The following SPOCK1 variants were observed in gnomAD, a reference collection of about 807,000 sequenced individuals.
The protein encoded by SPOCK1 is SPARC (osteonectin), cwcv and kazal like domains proteoglycan 1, also known as testican-1.
SPOCK1 carries 23 observed loss-of-function variants against 55.3 expected under a neutral mutation model. That is an observed-to-expected ratio of 0.42 (90% CI 0.30 to 0.59). SPOCK1 has a LOEUF of 0.59. SPOCK1 is among the 20% of genes least tolerant of loss of function. The pLI, the probability that SPOCK1 is intolerant of heterozygous loss-of-function variation, is 0.22. For missense variants in SPOCK1, 499 were observed against 552.5 expected, an observed-to-expected ratio of 0.90 and a Z score of 0.97; for synonymous variants, 226 against 221.0, an observed-to-expected ratio of 1.02 and a Z score of -0.20.
intron 6 of SPOCK1, among the ~76,000 whole-genome samples, chr5:137,030,695 G>A (rs1367860741): frequency 1.3e-5 from 2 of 152,120 alleles, no homozygotes; most frequent in Admixed American, 6.5e-5. Flanking sequence ...AGCATGGATG[G>A]ATTAAAACAC....
At chr5:137,465,715 AT>A (rs1375907672) in intron 2 of SPOCK1, among the ~76,000 whole-genome samples, 1 of 152,244 alleles carries the variant, frequency 6.6e-6, no homozygotes, top group African/African-American at 2.4e-5. Flanking sequence ...GTAAGCAATT[AT>A]CATGCAACCC....
At chr5:137,367,152 C>T (rs1751088540) in intron 2 of SPOCK1, among the ~76,000 whole-genome samples, 1 of 152,240 alleles carries the variant, frequency 6.6e-6, no homozygotes, top group South Asian at 2.1e-4. Context: ...TATAGTTCTG[C>T]TTTGCCTCCA....
At chr5:137,324,229 G>A (rs985022643) in intron 2 of SPOCK1, among the ~76,000 whole-genome samples, 64 of 152,216 alleles carry the variant, frequency 4.2e-4, no homozygotes, top group Non-Finnish European at 1.2e-4. Flanking sequence ...TGGATCACTT[G>A]AGATCAGGAG....
intron 2 of SPOCK1, among the ~76,000 whole-genome samples, chr5:137,417,047 A>G (rs1752349552): frequency 1.3e-5 from 2 of 152,160 alleles, no homozygotes; most frequent in South Asian, 4.1e-4. Context: ...ATACATATAC[A>G]TATCCACATA....
At chr5:137,131,157 C>A (rs758908772) in intron 4 of SPOCK1, among the ~76,000 whole-genome samples, 2 of 152,152 alleles carry the variant, frequency 1.3e-5, no homozygotes, top group African/African-American at 4.8e-5. Flanking sequence ...TATAAAGTGT[C>A]TAAACTGAAA....
chr5:137,228,103 G>A (rs1755980307), intron 3 of SPOCK1, among the ~76,000 whole-genome samples: 2 of 152,242 alleles, frequency 1.3e-5, no homozygotes, highest in Non-Finnish European at 2.9e-5. Context: ...ACCAATGCCA[G>A]TTGATCTGAG....
At chr5:137,431,272 G>A (rs1462276387) in intron 2 of SPOCK1, among the ~76,000 whole-genome samples, 1 of 152,192 alleles carries the variant, frequency 6.6e-6, no homozygotes, top group African/African-American at 2.4e-5. Flanking sequence ...TGGAATGCAT[G>A]GTTCAGGAGA....
Position 136,992,639 on chromosome 5 carries a change from G to A in SPOCK1, c.590-39C>T, listed in dbSNP as rs762082386. ...AACAGAACAGACAATGGGGCTGGGGGCTTTCTGCCTTCTGTGTGCAGGGCT... is the reference window on the plus strand; with the variant it reads ...AACAGAACAGACAATGGGGCTGGGGACTTTCTGCCTTCTGTGTGCAGGGCT... On this transcript the variant is annotated intron_variant, in intron 6 of 10. Transcript: ENST00000394945. 17 of 1,533,192 alleles carry A rather than the reference G, an allele frequency of 1.1e-5. No individual in the cohort carries two copies. In the East Asian group the frequency reaches 2.7e-4, roughly 25 times the overall value. 95.0% of individuals were successfully genotyped at this position (1,533,192 alleles called of 1,614,324 possible). A position where few individuals can be genotyped will look rare whatever the true frequency, so the allele number is the denominator to read the frequency against.
At chr5:137,241,909 C>T (rs1306519334) in intron 3 of SPOCK1, among the ~76,000 whole-genome samples, 1 of 152,190 alleles carries the variant, frequency 6.6e-6, no homozygotes, top group East Asian at 1.9e-4. Context: ...CCCAGCAGCT[C>T]CTCTTCTGGG....
At chr5:137,042,389 C>T (rs936775274) in intron 6 of SPOCK1, among the ~76,000 whole-genome samples, 4 of 152,110 alleles carry the variant, frequency 2.6e-5, no homozygotes, top group Non-Finnish European at 4.4e-5. Flanking sequence ...AGGGCAGATA[C>T]ATGACATTAG....
At chr5:137,211,198 T>C (rs1013526565) in intron 3 of SPOCK1, among the ~76,000 whole-genome samples, 5 of 152,206 alleles carry the variant, frequency 3.3e-5, no homozygotes, top group African/African-American at 1.2e-4. Context: ...TAGCTCCTAC[T>C]ATCCTGGATC....
intron 3 of SPOCK1, among the ~76,000 whole-genome samples, chr5:137,170,270 A>G (rs184859978): frequency 2.2e-3 from 329 of 152,166 alleles, no homozygotes; most frequent in Non-Finnish European, 3.6e-3. Context: ...CTCTTTTAAT[A>G]TTTTTGATTC....
chr5:137,055,781 G>T (rs915592706), intron 6 of SPOCK1, among the ~76,000 whole-genome samples: 4 of 152,170 alleles, frequency 2.6e-5, no homozygotes, highest in African/African-American at 9.7e-5. Context: ...AGGGAGGTGG[G>T]CTGTAGGGAA....
At chr5:137,356,128 G>T (rs556692812) in intron 2 of SPOCK1, among the ~76,000 whole-genome samples, 11 of 152,232 alleles carry the variant, frequency 7.2e-5, no homozygotes, top group African/African-American at 2.6e-4. Flanking sequence ...CAAGCTCTGC[G>T]ACCTCCTTAC....
intron 2 of SPOCK1, among the ~76,000 whole-genome samples, chr5:137,268,926 T>C (rs1725198046): frequency 6.6e-6 from 1 of 151,616 alleles, no homozygotes; most frequent in Admixed American, 6.6e-5. Context: ...TCCTTTAACT[T>C]TAATTTCACA....
chr5:137,000,044 A>T (rs886777285), intron 6 of SPOCK1, among the ~76,000 whole-genome samples: 4 of 152,170 alleles, frequency 2.6e-5, no homozygotes, highest in African/African-American at 9.7e-5. Flanking sequence ...TCAGGGCTCT[A>T]GCAGAAGCAA....
At chr5:137,375,776 A>C (rs1751298623) in intron 2 of SPOCK1, among the ~76,000 whole-genome samples, 1 of 152,220 alleles carries the variant, frequency 6.6e-6, no homozygotes, top group South Asian at 2.1e-4. Context: ...AAAACACTTG[A>C]GCAACAGAAC....
At chr5:137,262,826 T>A (rs938541909) in intron 3 of SPOCK1, among the ~76,000 whole-genome samples, 1 of 152,112 alleles carries the variant, frequency 6.6e-6, no homozygotes, top group African/African-American at 2.4e-5. Context: ...CAGAGTGGAA[T>A]GGGAAGAAAG....
intron 3 of SPOCK1, among the ~76,000 whole-genome samples, chr5:137,175,316 G>A (rs1396717411): frequency 1.3e-5 from 2 of 152,160 alleles, no homozygotes; most frequent in Admixed American, 1.3e-4. Context: ...GGTTGGATAG[G>A]TAGGAGGCCA....
Sources: gnomAD v4.1 joint callset for allele counts (sites outside exome capture counted in the v4.1 genomes callset) on GRCh38, gnomAD v4.1.1 for gene constraint, MANE v1.5 for transcripts, NCBI Gene and HGNC (gene_info 2026-07-23, HGNC 2026-07-21) for gene names.